The following CCDC171 variants were observed in gnomAD, a reference collection of about 807,000 sequenced individuals.
CCDC171 encodes the protein coiled-coil domain-containing protein 171.
CCDC171 carries 177 observed loss-of-function variants against 168.2 expected under a neutral mutation model. The observed-to-expected ratio is 1.05, with a 90% CI of 0.93 to 1.19. CCDC171 has a LOEUF of 1.19. Among genes scored for constraint, CCDC171 ranks in the 50% most tolerant of loss-of-function variants. The probability of loss-of-function intolerance (pLI) is 0.00; values close to 1 mark genes in which losing one functional copy is unlikely to be tolerated. For synonymous variants in CCDC171, 687 were observed against 540.8 expected, an observed-to-expected ratio of 1.27 and a Z score of -3.75; for missense variants, 1,991 against 1,539.0, an observed-to-expected ratio of 1.29 and a Z score of -4.91.
In CCDC171 at chr9:15,992,700, G is replaced by T. The variant is rs562226170; in HGVS notation, n.369-27889G>T. The stretch of plus-strand genomic sequence containing the variant: ...GATTGTATATCTAGAAAACCCCATT[G>T]TCTCAGTCCAAAATCTCCTTAAGCT... On this transcript the variant is annotated intron_variant and non_coding_transcript_variant, in intron 3 of 9. Transcript: ENST00000486641. Among the ~76,000 whole-genome samples, 5 of 152,272 alleles carry T rather than the reference G, an allele frequency of 3.3e-5. 1 individual carries two copies. The South Asian group carries it at 1.0e-3, about 32-fold the overall frequency.
At chr9:15,988,103 A>G (rs1376916539) in intron 3 of CCDC171, among the ~76,000 whole-genome samples, 1 of 152,198 alleles carries the variant, frequency 6.6e-6, no homozygotes, top group African/African-American at 2.4e-5. Flanking sequence ...CATACCATTA[A>G]TACAGTGAAA....
At chr9:16,098,827 C>A in the CCDC171 span, among the ~76,000 whole-genome samples, 1 of 152,128 alleles carries the variant, frequency 6.6e-6, no homozygotes, top group Admixed American at 6.5e-5. Context: ...CCAGAGAAAG[C>A]ATCTAAATTG....
intron 11 of CCDC171, among the ~76,000 whole-genome samples, chr9:15,709,301 T>C (rs1487130135): frequency 1.3e-5 from 2 of 152,170 alleles, no homozygotes; most frequent in African/African-American, 4.8e-5. Flanking sequence ...AGATTAAAAT[T>C]GTGAGTAGCT....
chr9:15,686,520 A>G (rs1237641030), intron 10 of CCDC171, among the ~76,000 whole-genome samples: 1 of 152,134 alleles, frequency 6.6e-6, no homozygotes, highest in East Asian at 1.9e-4. Context: ...ATCTAAAAAA[A>G]TAAAAAAATA....
chr9:15,723,574 G>A (rs868054368), intron 12 of CCDC171, 107 bp from the exon 13 acceptor site: 1 of 704,714 alleles, frequency 1.4e-6, no homozygotes. Context: ...TTAAGTAATT[G>A]CATAAAAAGC....
intron 25 of CCDC171, among the ~76,000 whole-genome samples, chr9:15,930,813 T>C (rs1380193730): frequency 4.0e-5 from 6 of 151,770 alleles, no homozygotes; most frequent in African/African-American, 1.4e-4. Flanking sequence ...AAATTCTTTT[T>C]TAAAAATTAT....
At chr9:16,009,577 A>G (rs1281282978) in intron 3 of CCDC171, among the ~76,000 whole-genome samples, 1 of 152,212 alleles carries the variant, frequency 6.6e-6, no homozygotes, top group Non-Finnish European at 1.5e-5. Flanking sequence ...TCTTTCTGGT[A>G]AGTGAATGAG....
chr9:15,923,206 T>A (rs1014878501), intron 25 of CCDC171, among the ~76,000 whole-genome samples: 4 of 151,442 alleles, frequency 2.6e-5, no homozygotes, highest in Non-Finnish European at 5.9e-5. Flanking sequence ...TGCGCTCCTA[T>A]GTTTATCACA....
Position 16,003,584 on chromosome 9 carries a change from A to G in CCDC171, n.369-17005A>G, listed in dbSNP as rs567163912. 7.9e-5 allele frequency among the ~76,000 whole-genome samples: 12 copies of G among 152,288 alleles called. No homozygotes were observed. The South Asian group carries it at 2.3e-3, about 29-fold the overall frequency. Reference sequence around the variant, plus strand: ...GTTGGGGTAAGGGATGGAGGGGCACATTTTCTGAATATATAAAAAGGCTTT... The same window carrying G: ...GTTGGGGTAAGGGATGGAGGGGCACGTTTTCTGAATATATAAAAAGGCTTT... On this transcript the variant is annotated intron_variant and non_coding_transcript_variant, in intron 3 of 9. Transcript: ENST00000486641.
chr9:16,022,939 G>A (rs1833203644), intron 6 of CCDC171: 1 of 152,232 alleles, frequency 6.6e-6, no homozygotes, highest in Admixed American at 6.5e-5. Context: ...TGAATTACCA[G>A]TGCCCTGGTC....
chr9:15,865,648 T>G (rs1275526510), intron 23 of CCDC171, among the ~76,000 whole-genome samples: 1 of 152,074 alleles, frequency 6.6e-6, no homozygotes, highest in Non-Finnish European at 1.5e-5. Flanking sequence ...TTCTTTTTTC[T>G]AGCTTTATTA....
chr9:15,724,243 A>G (rs1173446940), intron 13 of CCDC171, among the ~76,000 whole-genome samples: 1 of 152,092 alleles, frequency 6.6e-6, no homozygotes, highest in Non-Finnish European at 1.5e-5. Flanking sequence ...TGCTGAGTCA[A>G]CTCTCAGAAG....
At chr9:15,792,687 T>A (rs201651647) in intron 21 of CCDC171, among the ~76,000 whole-genome samples, 2 of 151,882 alleles carry the variant, frequency 1.3e-5, no homozygotes, top group African/African-American at 4.8e-5. Flanking sequence ...TTAAAGAAAA[T>A]AATTTTCAAC....
intron 21 of CCDC171, among the ~76,000 whole-genome samples, chr9:15,794,481 C>G (rs1355856295): frequency 6.7e-6 from 1 of 148,636 alleles, no homozygotes; most frequent in Non-Finnish European, 1.5e-5. Flanking sequence ...ACCCCCCCAC[C>G]AAAAAAAAGA....
chr9:15,681,828 A>G (rs369056899), intron 10 of CCDC171, among the ~76,000 whole-genome samples: 1 of 152,140 alleles, frequency 6.6e-6, no homozygotes, highest in Non-Finnish European at 1.5e-5. Flanking sequence ...GACTGAAGAC[A>G]GAATGACTTA....
At chr9:15,999,924 G>A (rs117495425) in intron 3 of CCDC171, among the ~76,000 whole-genome samples, 3,401 of 152,240 alleles carry the variant, frequency 0.022, 45 homozygotes, top group Non-Finnish European at 0.034. Context: ...GTATCTAAGC[G>A]CTCTTCCTTC....
At chr9:16,009,075 G>T (rs1832785993) in intron 3 of CCDC171, among the ~76,000 whole-genome samples, 2 of 151,640 alleles carry the variant, frequency 1.3e-5, no homozygotes, top group Admixed American at 6.6e-5. Flanking sequence ...TTATAATTTT[G>T]CAAAGATGTA....
At chr9:16,049,820 G>A (rs1564135483) in intron 1 of CCDC171, among the ~76,000 whole-genome samples, 1 of 152,096 alleles carries the variant, frequency 6.6e-6, no homozygotes, top group African/African-American at 2.4e-5. Flanking sequence ...TATTGGTTCT[G>A]TCTCTCTGGA....
intron 24 of CCDC171, among the ~76,000 whole-genome samples, chr9:15,884,957 AAAT>A (rs1819191842): frequency 6.6e-6 from 1 of 152,234 alleles, no homozygotes. Context: ...GCCTTCAAAA[AAAT>A]AATATGTTCA....
Sources: allele counts gnomAD v4.1 joint callset (sites outside exome capture counted in the v4.1 genomes callset), GRCh38; gene constraint gnomAD v4.1.1; transcripts MANE v1.5; gene names NCBI Gene and HGNC (gene_info 2026-07-23, HGNC 2026-07-21).